Variants in CNOT6L observed in about 807,000 individuals in gnomAD.
CNOT6L encodes CCR4-NOT transcription complex subunit 6-like.
Under a neutral mutation model 64.0 loss-of-function variants are expected in CNOT6L, and 7 were observed. The ratio of observed to expected loss-of-function variants is 0.11; its 90% CI spans 0.06 to 0.21. The LOEUF is 0.21. CNOT6L is among the 10% of genes least tolerant of loss of function. CNOT6L has a pLI of 1.00. For missense variants in CNOT6L, 245 were observed against 669.0 expected (o/e 0.37, Z 6.99); for synonymous variants, 193 against 243.4 (o/e 0.79, Z 1.93).
intron 9 of CNOT6L, among the ~76,000 whole-genome samples, chr4:77,731,055 CA>C (rs1722396032): frequency 6.6e-6 from 1 of 152,098 alleles, no homozygotes; most frequent in Non-Finnish European, 1.5e-5. Context: ...AAATATAATT[CA>C]AAAAGAGGGC....
intron 9 of CNOT6L, 54 bp downstream of exon 9, chr4:77,731,333 G>GA: frequency 6.5e-7 from 1 of 1,547,512 alleles, no homozygotes; most frequent in South Asian, 1.2e-5. Context: ...TTTTGAGATG[G>GA]AAAAACTTGG....
At chr4:77,794,945 A>G (rs964013374) in intron 1 of CNOT6L, among the ~76,000 whole-genome samples, 18 of 149,364 alleles carry the variant, frequency 1.2e-4, no homozygotes, top group Non-Finnish European at 4.5e-5. Flanking sequence ...TACAAGATTA[A>G]TATGTCCCCT....
chr4:77,738,370 T>G (rs984236715), intron 8 of CNOT6L, among the ~76,000 whole-genome samples: 3 of 152,206 alleles, frequency 2.0e-5, no homozygotes, highest in African/African-American at 7.2e-5. Context: ...ACTATTAAGT[T>G]GTGTATCTGG....
intron 1 of CNOT6L, among the ~76,000 whole-genome samples, chr4:77,797,276 T>C (rs1000422707): frequency 2.0e-5 from 3 of 152,002 alleles, no homozygotes; most frequent in African/African-American, 7.2e-5. Context: ...CTCTGTCCCT[T>C]ATCTACAGTT....
intron 2 of CNOT6L, 109 bp from the exon 3 acceptor site, chr4:77,774,825 G>T (rs1438867930): frequency 5.0e-6 from 3 of 605,516 alleles, no homozygotes; most frequent in African/African-American, 1.9e-5. Flanking sequence ...CATGGATATT[G>T]TATCTCTGAC....
chr4:77,744,464 G>A (rs1723972946), intron 7 of CNOT6L, among the ~76,000 whole-genome samples: 1 of 152,022 alleles, frequency 6.6e-6, no homozygotes, highest in Non-Finnish European at 1.5e-5. Context: ...ATATTAACAT[G>A]AACGGGTAAG....
intron 8 of CNOT6L, among the ~76,000 whole-genome samples, chr4:77,734,903 GAAT>G (rs1324774709): frequency 2.0e-5 from 3 of 151,572 alleles, no homozygotes; most frequent in African/African-American, 7.3e-5. Context: ...CAATAGGACA[GAAT>G]AATAAAAAAA....
intron 11 of CNOT6L, 86 bp downstream of exon 11, chr4:77,726,081 C>T: frequency 8.4e-7 from 1 of 1,193,264 alleles, no homozygotes; most frequent in Non-Finnish European, 1.2e-6. Context: ...GAAGATTATA[C>T]AATTAATCAT....
chr4:77,793,031 A>G (rs1326607171), intron 1 of CNOT6L, among the ~76,000 whole-genome samples: 2 of 151,614 alleles, frequency 1.3e-5, no homozygotes, highest in African/African-American at 2.4e-5. Flanking sequence ...ACAACAAGAA[A>G]TATCTTGTCC....
At chr4:77,754,899 A>AAAAAAAAAAAAAAAC (rs1725324677) in intron 5 of CNOT6L, among the ~76,000 whole-genome samples, 1 of 145,478 alleles carries the variant, frequency 6.9e-6, no homozygotes, top group African/African-American at 2.5e-5. Flanking sequence ...AAAAAAAAAA[A>AAAAAAAAAAAAAAAC]AAAAAAAAAA....
rs992304120 is a variant in CNOT6L, at chr4:77,713,494, T to C, written c.*6937A>G. The C allele has an allele frequency of 1.3e-5, 2 of 152,584 alleles. No homozygotes were observed. The highest frequency in any genetic ancestry group is 6.6e-5 in the Admixed American group (1 of 15,254). 9.5% of individuals were successfully genotyped at this position (152,584 alleles called of 1,614,324 possible). On this transcript the variant is annotated 3_prime_UTR_variant, in exon 12 of 12. Coordinates refer to ENST00000504123, the MANE Select transcript of CNOT6L (RefSeq NM_144571.3). ...AGCATATATTTAGCCCTATACATCA[T>C]GTGTGAGCAGTAACCAATCTCCAAA...
intron 7 of CNOT6L, 75 bp from the exon 8 acceptor site, chr4:77,742,370 A>G (rs1723691587): frequency 7.9e-7 from 1 of 1,273,216 alleles, no homozygotes; most frequent in African/African-American, 1.5e-5. Context: ...GTTCAGCATT[A>G]TGAGTAAGAT....
intron 4 of CNOT6L, 73 bp from the exon 5 acceptor site, chr4:77,757,024 A>AT (rs1434744345): frequency 1.6e-6 from 1 of 623,600 alleles, no homozygotes; most frequent in African/African-American, 1.8e-5. Context: ...ATACTATAAA[A>AT]TAAAATACTA....
At chr4:77,783,304 T>C (rs1729099563) in intron 1 of CNOT6L, among the ~76,000 whole-genome samples, 1 of 152,220 alleles carries the variant, frequency 6.6e-6, no homozygotes, top group Admixed American at 6.5e-5. Context: ...CTTACGACAT[T>C]TACTGTACCA....
At chr4:77,732,721 G>C (rs1456661726) in intron 8 of CNOT6L, among the ~76,000 whole-genome samples, 19 of 152,006 alleles carry the variant, frequency 1.2e-4, no homozygotes, top group Admixed American at 1.2e-3. Flanking sequence ...AAGTTACTAA[G>C]GTGAAGAATG....
At chr4:77,726,489 A>G in intron 10 of CNOT6L, 120 bp from the exon 11 acceptor site, 1 of 655,274 alleles carries the variant, frequency 1.5e-6, no homozygotes, top group Non-Finnish European at 2.5e-6. Flanking sequence ...AGGTTGAGCC[A>G]TATAAAACTG....
chr4:77,724,824 G>C (rs1264049566), intron 11 of CNOT6L, among the ~76,000 whole-genome samples: 2 of 150,804 alleles, frequency 1.3e-5, no homozygotes, highest in Admixed American at 6.6e-5. Flanking sequence ...TAGGATTTAA[G>C]CTGTGGTAAA....
In CNOT6L at chr4:77,754,888, T is replaced by TAA; in HGVS notation, c.490+1972_490+1973dup. Among the ~76,000 whole-genome samples the TAA allele has an allele frequency of 8.1e-4, 30 of 36,952 alleles. 2 individuals are homozygous for TAA. The highest frequency in any genetic ancestry group is 2.8e-3 in the African/African-American group (25 of 9,038). The allele number at this position is 36,952 out of a possible 152,430, so 24.2% of individuals were successfully genotyped here. A position where few individuals can be genotyped will look rare whatever the true frequency, so the allele number is the denominator to read the frequency against. ...AAAACCTAATTCTAAACATTAGAAG[T>TAA]AAAAAAAAAAAAAAAAAAAAAAAAA... On this transcript the variant is annotated intron_variant, in intron 5 of 11. Transcript: ENST00000504123.
intron 1 of CNOT6L, among the ~76,000 whole-genome samples, chr4:77,804,199 G>A (rs1424945098): frequency 1.3e-5 from 2 of 152,050 alleles, no homozygotes; most frequent in African/African-American, 4.8e-5. Flanking sequence ...AGGCCAAGGT[G>A]GGCAGATCAC....
Sources: gnomAD v4.1 joint callset for allele counts (sites outside exome capture counted in the v4.1 genomes callset) on GRCh38, gnomAD v4.1.1 for gene constraint, MANE v1.5 for transcripts, NCBI Gene and HGNC (gene_info 2026-07-23, HGNC 2026-07-21) for gene names.